Variants in FRMD4B observed in about 807,000 individuals in gnomAD.
FRMD4B encodes the protein FERM domain-containing protein 4B.
FRMD4B carries 74 observed loss-of-function variants against 141.5 expected under a neutral mutation model. The ratio of observed to expected loss-of-function variants is 0.52; its 90% CI spans 0.43 to 0.63. The LOEUF is 0.63. Among genes scored for constraint, FRMD4B ranks in the 30% least tolerant of loss-of-function variants. The pLI is 0.00. For synonymous variants in FRMD4B, 506 were observed against 467.9 expected (o/e 1.08, Z -1.05); for missense variants, 1,366 against 1,253.4 (o/e 1.09, Z -1.36).
intron 1 of FRMD4B, among the ~76,000 whole-genome samples, chr3:69,491,996 C>A (rs1706307493): frequency 6.6e-6 from 1 of 152,202 alleles, no homozygotes; most frequent in Admixed American, 6.5e-5. Context: ...CGTACCCCCG[C>A]AAGTACCAAG....
chr3:69,295,338 T>A (rs531796830), intron 4 of FRMD4B, among the ~76,000 whole-genome samples: 7 of 152,328 alleles, frequency 4.6e-5, no homozygotes, highest in African/African-American at 1.7e-4. Flanking sequence ...ATTGTTTATT[T>A]TGAGACAGGG....
intron 1 of FRMD4B, among the ~76,000 whole-genome samples, chr3:69,374,440 T>C (rs181368712): frequency 2.0e-4 from 30 of 152,258 alleles, no homozygotes; most frequent in African/African-American, 7.0e-4. Context: ...TGTAAAAATA[T>C]TTGCTGGCTA....
chr3:69,181,805 G>A (rs1358040340), intron 20 of FRMD4B, 95 bp from the exon 21 acceptor site: 12 of 717,108 alleles, frequency 1.7e-5, no homozygotes, highest in African/African-American at 3.6e-5. Context: ...TGAATAGCTC[G>A]TGAATTACAA....
chr3:69,500,770 A>G (rs1190722171), intron 1 of FRMD4B, among the ~76,000 whole-genome samples: 2 of 151,908 alleles, frequency 1.3e-5, no homozygotes, highest in Non-Finnish European at 2.9e-5. Flanking sequence ...GGGAGAGAGA[A>G]AGGAAGGAAC....
At chr3:69,465,321 A>G (rs1705765654) in intron 1 of FRMD4B, among the ~76,000 whole-genome samples, 1 of 76,732 alleles carries the variant, frequency 1.3e-5, no homozygotes, top group South Asian at 4.8e-4. Flanking sequence ...CTCCGTCTCA[A>G]AAAAAAAAAA....
intron 1 of FRMD4B, among the ~76,000 whole-genome samples, chr3:69,346,314 A>C (rs1001712278): frequency 6.6e-6 from 1 of 152,174 alleles, no homozygotes; most frequent in African/African-American, 2.4e-5. Context: ...AAAGCCTCCA[A>C]GAAATATGGG....
chr3:69,512,354 T>C (rs1004484571), intron 1 of FRMD4B, among the ~76,000 whole-genome samples: 4 of 152,236 alleles, frequency 2.6e-5, no homozygotes, highest in Non-Finnish European at 5.9e-5. Flanking sequence ...GTTAACCGCA[T>C]AATTTCTTGG....
In FRMD4B at chr3:69,187,782, G is replaced by A; in HGVS notation, c.1907C>T (p.Thr636Ile). Reference protein sequence around the residue: ...KSSINEQFVDTRQSREMLSTH... With the variant: ...KSSINEQFVDIRQSREMLSTH... ...TATGACCTCTCACCTGGACTGCCTG[G>A]TATCCACAAACTGTTCATTGATGGA... The change falls in exon 19 of 23, where the codon ACC (threonine) becomes ATC (isoleucine). Residue 636 changes from threonine (T) to isoleucine (I), a missense_variant. By Grantham distance (89) the Thr-to-Ile change is moderately conservative. Transcript: ENST00000398540. 3 of 1,611,888 alleles carry A rather than the reference G, an allele frequency of 1.9e-6. No individual in the cohort carries two copies. The highest frequency in any genetic ancestry group is 1.7e-6 in the Non-Finnish European group (2 of 1,179,014).
chr3:69,169,002 C>CA lies in FRMD4B; in HGVS notation c.*2858dup, dbSNP rs60061223. On this transcript the variant is annotated 3_prime_UTR_variant, in exon 23 of 23. Transcript: ENST00000398540. The stretch of plus-strand genomic sequence containing the variant: ...TATATTAGGCAGAAAACAAAACAAA[C>CA]AAAAAAAAATGTTGTAAAACTGTAC... 0.016 allele frequency among the ~76,000 whole-genome samples: 2,365 copies of CA among 151,486 alleles called. 59 individuals are homozygous for CA. The highest frequency in any genetic ancestry group is 0.062 in the Admixed American group (944 of 15,222).
chr3:69,282,857 G>C (rs947120085), intron 5 of FRMD4B, among the ~76,000 whole-genome samples: 1 of 151,884 alleles, frequency 6.6e-6, no homozygotes, highest in Non-Finnish European at 1.5e-5. Flanking sequence ...GGCTGGTCAC[G>C]AACTCCTGAC....
intron 1 of FRMD4B, among the ~76,000 whole-genome samples, chr3:69,531,945 C>A (rs17043813): frequency 0.018 from 2,676 of 152,248 alleles, 74 homozygotes; most frequent in East Asian, 0.12. Context: ...AGACTGGGAA[C>A]CTGGAGGTAT....
At chr3:69,497,844 CTGAG>C (rs995139546) in intron 1 of FRMD4B, among the ~76,000 whole-genome samples, 3 of 152,126 alleles carry the variant, frequency 2.0e-5, no homozygotes, top group African/African-American at 7.2e-5. Context: ...CCTCAGCCTC[CTGAG>C]TATCTGGGAC....
chr3:69,496,976 A>T lies in FRMD4B; in HGVS notation c.-129+45230T>A, dbSNP rs112701549. Among the ~76,000 whole-genome samples, 7 of 151,946 alleles carry T rather than the reference A, an allele frequency of 4.6e-5. No individual in the cohort carries two copies. In the South Asian group the frequency reaches 1.2e-3, roughly 27 times the overall value. ...CCCCATCCATTGCTATGTGACTGGC[A>T]TTGCCTACGCCGAGGAAGGAGAATA... On this transcript the variant is annotated intron_variant, in intron 1 of 5. Coordinates refer to the FRMD4B transcript ENST00000459638.
chr3:69,212,976 G>A (rs774788251), intron 11 of FRMD4B, among the ~76,000 whole-genome samples: 15 of 151,270 alleles, frequency 9.9e-5, no homozygotes, highest in Non-Finnish European at 2.1e-4. Flanking sequence ...TGTTTGACTG[G>A]GTTTTTTTAT....
At chr3:69,310,357 G>A (rs914356799) in intron 3 of FRMD4B, 7 of 416,376 alleles carry the variant, frequency 1.7e-5, no homozygotes, top group South Asian at 3.4e-5. Flanking sequence ...TAAATTGGCA[G>A]CATTATGAAA....
chr3:69,320,112 T>C (rs67846536), intron 1 of FRMD4B, among the ~76,000 whole-genome samples: 1 of 152,046 alleles, frequency 6.6e-6, no homozygotes, highest in South Asian at 2.1e-4. Flanking sequence ...AGACCTGGGC[T>C]TAAAAGTCAG....
intron 1 of FRMD4B, among the ~76,000 whole-genome samples, chr3:69,362,265 G>C (rs12631128): frequency 6.6e-6 from 1 of 151,850 alleles, no homozygotes; most frequent in East Asian, 1.9e-4. Flanking sequence ...GAGGCATAGA[G>C]AGGTTAAATA....
At chr3:69,391,633 T>A (rs528620509) in intron 2 of FRMD4B, among the ~76,000 whole-genome samples, 1 of 152,220 alleles carries the variant, frequency 6.6e-6, no homozygotes, top group South Asian at 2.1e-4. Context: ...CCAGGTGGAA[T>A]GCTGATGCCT....
At chr3:69,177,778 G>C (rs1320638270) in intron 21 of FRMD4B, among the ~76,000 whole-genome samples, 2 of 152,200 alleles carry the variant, frequency 1.3e-5, no homozygotes, top group Admixed American at 6.5e-5. Context: ...AAGGTGATGA[G>C]TCTGGGTTTG....
Sources: allele counts gnomAD v4.1 joint callset (sites outside exome capture counted in the v4.1 genomes callset), GRCh38; gene constraint gnomAD v4.1.1; transcripts MANE v1.5; gene names NCBI Gene and HGNC (gene_info 2026-07-23, HGNC 2026-07-21).